LRRTM4: variants seen among roughly 807,000 people sequenced by gnomAD.
The protein encoded by LRRTM4 is leucine-rich repeat transmembrane neuronal protein 4.
A neutral mutation model predicts 47.6 loss-of-function variants in LRRTM4; 25 were observed. That is an observed-to-expected ratio of 0.53 (90% confidence interval 0.38 to 0.73). LRRTM4 has a LOEUF of 0.73. Ranked by LOEUF, LRRTM4 falls within the 30% of genes least tolerant of loss-of-function variation. LRRTM4 has a pLI of 0.00. For missense variants in LRRTM4, 638 were observed against 713.4 expected, an observed-to-expected ratio of 0.89 and a Z score of 1.20; for synonymous variants, 311 against 269.5, an observed-to-expected ratio of 1.15 and a Z score of -1.51.
In LRRTM4 at chr2:76,800,007, CG is replaced by C. The variant is rs903667719; in HGVS notation, c.1552-51092del. 2.2e-3 allele frequency among the ~76,000 whole-genome samples: 339 copies of C among 151,772 alleles called. 2 individuals are homozygous for C. Among genetic ancestry groups the C allele is most frequent in the African/African-American group, 7.8e-3 (323 of 41,450 alleles). ...GCTCGTGGGTAGGAAGAATCAATAT[CG>C]TGAAAATGGTCATACTGCCCAAGGT... On this transcript the variant is annotated intron_variant, in intron 3 of 3. Coordinates refer to ENST00000409884, the MANE Select transcript of LRRTM4 (RefSeq NM_001134745.3).
intron 3 of LRRTM4, among the ~76,000 whole-genome samples, chr2:77,079,999 T>A (rs1680479608): frequency 6.6e-6 from 1 of 152,150 alleles, no homozygotes; most frequent in Non-Finnish European, 1.5e-5. Context: ...AAGAGTTATT[T>A]ATATTCACTG....
chr2:77,518,873 A>G lies in LRRTM4; in HGVS notation c.996T>C (p.Asn332=), dbSNP rs769080276. Residue 332 remains asparagine (N), a synonymous_variant, in exon 3 of 4, where the codon AAT becomes AAC. Transcript: ENST00000409884. ...CCGCACATATCATGGTGCTTTCCTT[A>G]TTTCCTTTGAAATTCTTAAGCCAAT... is the stretch of plus-strand genomic sequence containing the variant. ...LFYWLKNFKG[N]KESTMICAGP... 7 of 1,605,184 alleles carry G rather than the reference A, an allele frequency of 4.4e-6. No homozygotes were observed. In the African/African-American group the frequency reaches 9.4e-5, roughly 21 times the overall value.
chr2:77,097,825 A>C (rs1316358579), intron 3 of LRRTM4, among the ~76,000 whole-genome samples: 1 of 151,974 alleles, frequency 6.6e-6, no homozygotes, highest in African/African-American at 2.4e-5. Flanking sequence ...TAAAGATAGG[A>C]GTGGTAATTA....
At chr2:77,446,657 A>G (rs1383378583) in intron 3 of LRRTM4, among the ~76,000 whole-genome samples, 2 of 151,996 alleles carry the variant, frequency 1.3e-5, no homozygotes, top group East Asian at 1.9e-4. Context: ...CTCTCATTTT[A>G]TTGATGTAAA....
chr2:77,054,561 A>T (rs1308648612), intron 3 of LRRTM4, among the ~76,000 whole-genome samples: 1 of 152,220 alleles, frequency 6.6e-6, no homozygotes, highest in Admixed American at 6.5e-5. Context: ...ATAGCTAAAT[A>T]GCTAGGATAG....
At chr2:77,005,746 C>T (rs1020438597) in intron 3 of LRRTM4, among the ~76,000 whole-genome samples, 1 of 152,266 alleles carries the variant, frequency 6.6e-6, no homozygotes, top group African/African-American at 2.4e-5. Context: ...GCAGTGATTG[C>T]GAGGCCTCTC....
chr2:77,155,436 G>T (rs1241391614), intron 3 of LRRTM4, among the ~76,000 whole-genome samples: 1 of 151,710 alleles, frequency 6.6e-6, no homozygotes, highest in Non-Finnish European at 1.5e-5. Flanking sequence ...TATCATATGA[G>T]ACATCACCAG....
chr2:76,775,104 ATTTC>A (rs1673906346), intron 3 of LRRTM4, among the ~76,000 whole-genome samples: 1 of 152,068 alleles, frequency 6.6e-6, no homozygotes, highest in African/African-American at 2.4e-5. Context: ...TCTCTTCATG[ATTTC>A]TTTGATTGGC....
At chr2:77,098,359 T>A (rs991288177) in intron 3 of LRRTM4, among the ~76,000 whole-genome samples, 2 of 151,928 alleles carry the variant, frequency 1.3e-5, no homozygotes, top group Admixed American at 6.6e-5. Flanking sequence ...GATAAACAGG[T>A]ATGAGGCCTT....
intron 3 of LRRTM4, among the ~76,000 whole-genome samples, chr2:77,169,657 C>T (rs545784852): frequency 1.9e-4 from 29 of 152,164 alleles, no homozygotes; most frequent in Admixed American, 5.9e-4. Context: ...TACTTGCCTG[C>T]CCTTTTTCCT....
At chr2:77,311,263 G>A (rs1257622784) in intron 3 of LRRTM4, among the ~76,000 whole-genome samples, 1 of 152,084 alleles carries the variant, frequency 6.6e-6, no homozygotes, top group African/African-American at 2.4e-5. Context: ...AGGGTACTGA[G>A]TTTTCTTGGA....
chr2:77,497,919 A>G (rs2104066410), intron 3 of LRRTM4, among the ~76,000 whole-genome samples: 1 of 151,792 alleles, frequency 6.6e-6, no homozygotes, highest in Non-Finnish European at 1.5e-5. Context: ...GTCCTATACT[A>G]TGTGATGTTG....
chr2:77,244,219 C>T (rs919479511), intron 3 of LRRTM4, among the ~76,000 whole-genome samples: 5 of 137,820 alleles, frequency 3.6e-5, no homozygotes, highest in African/African-American at 5.6e-5. Flanking sequence ...TGAATAATGC[C>T]GCAATAAACA....
intron 3 of LRRTM4, among the ~76,000 whole-genome samples, chr2:77,202,826 C>A (rs1408847804): frequency 6.6e-6 from 1 of 152,002 alleles, no homozygotes; most frequent in East Asian, 1.9e-4. Flanking sequence ...GTTACCAGTT[C>A]TTCAAAATTG....
At chr2:76,945,213 A>C (rs2103872414) in intron 3 of LRRTM4, among the ~76,000 whole-genome samples, 1 of 152,258 alleles carries the variant, frequency 6.6e-6, no homozygotes, top group Non-Finnish European at 1.5e-5. Context: ...CAGAATAAAC[A>C]AGTAACATCA....
At chr2:77,233,559 A>G (rs1675024379) in intron 3 of LRRTM4, among the ~76,000 whole-genome samples, 1 of 152,124 alleles carries the variant, frequency 6.6e-6, no homozygotes, top group Non-Finnish European at 1.5e-5. Context: ...CTACATATGA[A>G]GGTTTATATT....
rs190747823 is a variant in LRRTM4, at chr2:76,823,996, G to T, written c.1552-75080C>A. Among the ~76,000 whole-genome samples the T allele has an allele frequency of 2.3e-3, 340 of 149,360 alleles. 3 individuals are homozygous for T. Among genetic ancestry groups the T allele is most frequent in the African/African-American group, 8.6e-3 (337 of 39,402 alleles). ...TACAGAAAGGCTGACTTCAGTGACA[G>T]AGAGAAATTTGTGCTCACATGTGTC... On this transcript the variant is annotated intron_variant, in intron 3 of 3. Transcript: ENST00000409884.
At chr2:76,860,182 A>C (rs1672271690) in intron 3 of LRRTM4, among the ~76,000 whole-genome samples, 1 of 152,200 alleles carries the variant, frequency 6.6e-6, no homozygotes, top group Admixed American at 6.6e-5. Flanking sequence ...TACTGTTCTC[A>C]GTCTTCAAAT....
intron 3 of LRRTM4, among the ~76,000 whole-genome samples, chr2:76,924,871 A>C (rs1374365009): frequency 6.6e-6 from 1 of 152,022 alleles, no homozygotes; most frequent in Non-Finnish European, 1.5e-5. Context: ...CTTTCAATCC[A>C]ATTTCATATA....
Sources: allele counts gnomAD v4.1 joint callset (sites outside exome capture counted in the v4.1 genomes callset), GRCh38; gene constraint gnomAD v4.1.1; transcripts MANE v1.5; gene names NCBI Gene and HGNC (gene_info 2026-07-23, HGNC 2026-07-21).